GGT1: variants seen among roughly 807,000 people sequenced by gnomAD.
GGT1 encodes gamma-glutamyltransferase 1.
A neutral mutation model predicts 56.0 loss-of-function variants in GGT1; 21 were observed. The observed-to-expected ratio is 0.38, with a 90% CI of 0.27 to 0.54. The LOEUF is 0.54. Ranked by LOEUF, GGT1 falls within the 20% of genes least tolerant of loss-of-function variation. The probability of loss-of-function intolerance (pLI) is 0.82; values close to 1 mark genes in which losing one functional copy is unlikely to be tolerated. For missense variants in GGT1, 466 were observed against 787.0 expected (o/e 0.59, Z 4.88); for synonymous variants, 238 against 342.6 (o/e 0.69, Z 3.37).
rs2047901104 is a variant in GGT1 at position 24,628,006 on chromosome 22, G to T, written c.1336+27G>T. On this transcript the variant is annotated intron_variant, in intron 13 of 15. Transcript: ENST00000400382. The surrounding 1 kb of genome is among the most constrained non-coding windows in gnomAD (Gnocchi z 5.7). ...TATGGGGTGGAGGTCCGGGGGTGGG[G>T]GACTGGGGTGGAGAGGGGCGGGTGT... 8 of 1,610,726 alleles carry T rather than the reference G, an allele frequency of 5.0e-6. No homozygotes were observed. The highest frequency in any genetic ancestry group is 2.1e-4 in the Middle Eastern group (1 of 4,694).
the GGT1 span, chr22:24,586,479 G>T: frequency 6.6e-7 from 1 of 1,506,794 alleles, no homozygotes; most frequent in South Asian, 1.3e-5. Flanking sequence ...CACAGACAGT[G>T]ACCTGTCGGG....
At position 24,628,971 on chromosome 22, in the gene GGT1, G is replaced by T; in HGVS notation, c.*132G>T. The T allele has an allele frequency of 7.2e-7, 1 of 1,396,442 alleles. No homozygotes were observed. Among genetic ancestry groups the T allele is most frequent in the South Asian group, 1.3e-5 (1 of 74,798 alleles). The allele number at this position is 1,396,442 out of a possible 1,614,324, so 86.5% of individuals were successfully genotyped here. ...ACAATAAATGAGGCCACTGTGCCAG[G>T]CTCCAGGTGGCCTCCCTGGCCTGTC... On this transcript the variant is annotated 3_prime_UTR_variant, in exon 16 of 16. Transcript: ENST00000400382. This position sits in a 1 kb window ranked among gnomAD's most constrained non-coding sequence, Gnocchi z 5.7.
chr22:24,613,056 A>G (rs1438548769), intron 5 of GGT1, among the ~76,000 whole-genome samples: 2 of 152,112 alleles, frequency 1.3e-5, no homozygotes, highest in African/African-American at 4.8e-5. Context: ...TCCCTCCTAA[A>G]GACTTAAACA....
chr22:24,586,384 C>G, the GGT1 span: 1 of 1,613,402 alleles, frequency 6.2e-7, no homozygotes, highest in Non-Finnish European at 8.5e-7. Flanking sequence ...CCCCTGCCAG[C>G]AGAGTCTTCT....
the GGT1 span, chr22:24,588,868 G>A: frequency 9.9e-7 from 1 of 1,007,746 alleles, no homozygotes; most frequent in Non-Finnish European, 1.2e-6. Flanking sequence ...ACCACCACCT[G>A]GCTCTCTCTC....
chr22:24,592,822 C>A, upstream of GGT1: 1 of 1,266,168 alleles, frequency 7.9e-7, no homozygotes, highest in South Asian at 2.3e-5. Context: ...CCCAGACCCT[C>A]CCTGGCCGCC....
At chr22:24,586,492 C>T in the GGT1 span, 1 of 1,398,972 alleles carries the variant, frequency 7.1e-7, no homozygotes, top group Non-Finnish European at 9.8e-7. Flanking sequence ...CTGTCGGGAA[C>T]AGCCCAGGCC....
At chr22:24,601,361 A>C (rs978102603), upstream of GGT1, among the ~76,000 whole-genome samples, 1 of 152,068 alleles carries the variant, frequency 6.6e-6, no homozygotes, top group Non-Finnish European at 1.5e-5. Context: ...CAGTGTTGTC[A>C]GCTTCTTGGA....
At chr22:24,624,186 G>A (rs934229741) in intron 11 of GGT1, 14 of 985,218 alleles carry the variant, frequency 1.4e-5, no homozygotes, top group Non-Finnish European at 1.7e-5. Context: ...GCTCAGTGCT[G>A]AGATGAGGAA....
Position 24,614,783 on chromosome 22 carries a change from C to T in GGT1, c.172C>T (p.Leu58=). Residue 58 remains leucine, a synonymous_variant, in exon 6 of 16, where the codon CTG becomes TTG. Coordinates refer to ENST00000400382, the MANE Select transcript of GGT1 (RefSeq NM_001288833.2). ...KQCSKIGRDA[L]RDGGSAVDAA... ...TTATGTGCCACATGGCAGGGATGCACTGCGGGACGGTGGCTCTGCGGTGGA... is the reference window on the plus strand; with the variant it reads ...TTATGTGCCACATGGCAGGGATGCATTGCGGGACGGTGGCTCTGCGGTGGA... 3 of 1,613,664 alleles carry T rather than the reference C, an allele frequency of 1.9e-6. No homozygotes were observed. Among genetic ancestry groups the T allele is most frequent in the Non-Finnish European group, 2.5e-6 (3 of 1,179,796 alleles).
chr22:24,589,924 A>G, upstream of GGT1: 2 of 1,609,390 alleles, frequency 1.2e-6, no homozygotes, highest in Non-Finnish European at 1.7e-6. Flanking sequence ...GATATCAGGA[A>G]GGAGGGTCCT....
intron 5 of GGT1, among the ~76,000 whole-genome samples, chr22:24,611,569 T>C (rs1243671407): frequency 1.3e-5 from 2 of 151,682 alleles, no homozygotes; most frequent in African/African-American, 2.4e-5. Flanking sequence ...TATCTATCTA[T>C]CTATCTATCT....
chr22:24,589,750 C>T, the GGT1 span: 1 of 1,486,214 alleles, frequency 6.7e-7, no homozygotes, highest in Non-Finnish European at 8.9e-7. Context: ...TCCCAGTCCC[C>T]AGCCCTGGGC....
chr22:24,618,530 G>A (rs998018635), intron 7 of GGT1, among the ~76,000 whole-genome samples: 6 of 152,258 alleles, frequency 3.9e-5, no homozygotes, highest in African/African-American at 1.2e-4. Context: ...GGCGGAGGTT[G>A]TAGTGAGCTG....
At chr22:24,588,852 T>A in the GGT1 span, 1 of 1,006,874 alleles carries the variant, frequency 9.9e-7, no homozygotes, top group African/African-American at 1.7e-5. Context: ...TGTAATGTTT[T>A]ACAGCACCAC....
chr22:24,612,299 T>A lies in GGT1; in HGVS notation c.164+1054T>A, dbSNP rs188334278. ...GACAATTTCTTTCTTTCTTTTTTTT[T>A]ATTTTATTTTATTATTATTATACTT... On this transcript the variant is annotated intron_variant, in intron 5 of 15. Transcript: ENST00000400382. Among the ~76,000 whole-genome samples, 1,334 of 149,648 alleles carry A rather than the reference T, an allele frequency of 8.9e-3. 7 individuals carry two copies. Among genetic ancestry groups the A allele is most frequent in the Middle Eastern group, 0.017 (5 of 290 alleles).
rs558506872 is a variant in GGT1 at position 24,628,598 on chromosome 22, A to G, written c.1564-95A>G. 1 of 1,600,678 alleles carries G rather than the reference A, an allele frequency of 6.2e-7. No homozygotes were observed. Among genetic ancestry groups the G allele is most frequent in the Admixed American group, 1.7e-5 (1 of 59,750 alleles). ...GCTCTTCCTGATGACCTGGCCCGAA[A>G]TGGCACCACCTGGGCTGAGGCCTGT... On this transcript the variant is annotated intron_variant, in intron 15 of 15. Transcript: ENST00000400382. This position sits in a 1 kb window ranked among gnomAD's most constrained non-coding sequence, Gnocchi z 5.7.
intron 1 of GGT1, among the ~76,000 whole-genome samples, chr22:24,605,102 T>A (rs190821039): frequency 0.42 from 2,129 of 5,036 alleles, 624 homozygotes; most frequent in African/African-American, 0.52. Context: ...ATAATATGTA[T>A]TATATTATAT....
chr22:24,603,703 A>G (rs1206712123), intron 1 of GGT1, among the ~76,000 whole-genome samples, 176 bp downstream of exon 1: 1 of 151,806 alleles, frequency 6.6e-6, no homozygotes, highest in African/African-American at 2.4e-5. Context: ...CTTGGAATTA[A>G]GAGGAAAGAG....
Sources: allele counts gnomAD v4.1 joint callset (sites outside exome capture counted in the v4.1 genomes callset), GRCh38; gene constraint gnomAD v4.1.1; non-coding constraint Gnocchi (gnomAD v3.1); transcripts MANE v1.5; gene names NCBI Gene and HGNC (gene_info 2026-07-23, HGNC 2026-07-21).